Variants in THAP6 observed in about 807,000 individuals in gnomAD.
THAP6 encodes THAP domain-containing protein 6.
In THAP6, 13 loss-of-function variants were observed where a neutral mutation model predicts 20.0. That is an observed-to-expected ratio of 0.65 (90% confidence interval 0.42 to 1.03). THAP6 has a LOEUF of 1.03. Ranked by LOEUF, THAP6 falls within the 50% of genes least tolerant of loss-of-function variation. The probability of loss-of-function intolerance (pLI) is 0.00; values close to 1 mark genes in which losing one functional copy is unlikely to be tolerated. For synonymous variants in THAP6, 93 were observed against 92.2 expected, an observed-to-expected ratio of 1.01 and a Z score of -0.05; for missense variants, 262 against 261.6, an observed-to-expected ratio of 1.00 and a Z score of -0.01.
downstream of THAP6, among the ~76,000 whole-genome samples, chr4:75,531,719 G>A (rs1365370608): frequency 6.6e-6 from 1 of 151,884 alleles, no homozygotes; most frequent in African/African-American, 2.4e-5. Flanking sequence ...AGGCAAGGAG[G>A]AGCAAGTCAC....
intron 4 of THAP6, chr4:75,522,555 G>T (rs964967274): frequency 6.6e-6 from 1 of 151,198 alleles, no homozygotes; most frequent in African/African-American, 2.4e-5. Context: ...CTATATTTCT[G>T]TACCCATTAA....
intron 2 of THAP6, among the ~76,000 whole-genome samples, chr4:75,535,703 A>G (rs756177570): frequency 6.6e-6 from 1 of 152,166 alleles, no homozygotes; most frequent in Non-Finnish European, 1.5e-5. Context: ...ATAATATGTT[A>G]ACTTACTATG....
At chr4:75,523,666 G>A (rs1263528079) in intron 4 of THAP6, among the ~76,000 whole-genome samples, 1 of 151,818 alleles carries the variant, frequency 6.6e-6, no homozygotes, top group Non-Finnish European at 1.5e-5. Flanking sequence ...ATTAGCTGGG[G>A]GTGGTGGCAT....
At position 75,516,814 on chromosome 4, in the gene THAP6, A is replaced by G. The variant is rs762016262; in HGVS notation, c.123A>G (p.Ala41=). The part of the protein sequence containing the change: ...DENIKRKWVL[A]MKRLDVNAAG... ...ACATCAAAAGGAAATGGGTATTAGC[A>G]ATGAAAAGACTTGATGTGAATGCAG... The change falls in exon 3 of 5, where the codon GCA becomes GCG. Residue 41 remains alanine (A), a synonymous_variant. Transcript: ENST00000311638. 2 of 1,614,012 alleles carry G rather than the reference A, an allele frequency of 1.2e-6. No homozygotes were observed. The highest frequency in any genetic ancestry group is 2.7e-5 in the African/African-American group (2 of 74,912).
chr4:75,521,674 T>A, intron 3 of THAP6, 62 bp from the exon 4 acceptor site: 6 of 1,477,282 alleles, frequency 4.1e-6, no homozygotes, highest in Non-Finnish European at 5.5e-6. Flanking sequence ...TAAGAAGGAA[T>A]AAAAATTTAA....
chr4:75,546,712 T>C (rs912900217), intron 3 of THAP6, among the ~76,000 whole-genome samples: 3 of 152,176 alleles, frequency 2.0e-5, no homozygotes, highest in African/African-American at 7.2e-5. Flanking sequence ...GAAGAGCCTA[T>C]ACTGCAGTTC....
rs764156773 is a variant in THAP6 at position 75,521,757 on chromosome 4, T to A, written c.310T>A (p.Cys104Ser). The A allele has an allele frequency of 1.8e-5, 29 of 1,611,796 alleles. 1 individual carries two copies. The South Asian group carries it at 3.1e-4, about 17-fold the overall frequency. The change falls in exon 4 of 5, where the codon TGT (cysteine) becomes AGT (serine). Residue 104 changes from cysteine (C) to serine (S), a missense_variant. Coordinates refer to ENST00000311638, the MANE Select transcript of THAP6 (RefSeq NM_144721.6). ...ACAGGGGAAAAGAGAAAAACTTCAT[T>A]GTAGAAAAAACTTCACCCTCAAAAC... ...HLQGKREKLH[C>S]RKNFTLKTVP...
intron 2 of THAP6, among the ~76,000 whole-genome samples, 160 bp from the exon 3 acceptor site, chr4:75,516,612 A>G (rs1725659524): frequency 6.6e-6 from 1 of 152,254 alleles, no homozygotes; most frequent in Admixed American, 6.5e-5. Flanking sequence ...TAAAACGGAA[A>G]GTAACAAAAG....
intron 2 of THAP6, 40 bp downstream of exon 2, chr4:75,515,572 G>C: frequency 6.3e-7 from 1 of 1,592,160 alleles, no homozygotes; most frequent in South Asian, 1.1e-5. Context: ...CTTTGGCCAT[G>C]TTATAAAAAG....
At chr4:75,517,434 A>G (rs1319447709) in intron 3 of THAP6, 1 of 155,706 alleles carries the variant, frequency 6.4e-6, no homozygotes, top group African/African-American at 2.4e-5. Flanking sequence ...CTGCATCTTC[A>G]ACTTTTGTAA....
upstream of THAP6, chr4:75,514,022 G>A: frequency 1.1e-6 from 1 of 940,256 alleles, no homozygotes; most frequent in South Asian, 2.0e-5. Flanking sequence ...AGGAAAGGTG[G>A]GGCTTATCGC....
chr4:75,526,894 C>G, intron 4 of THAP6, 66 bp from the exon 5 acceptor site: 3 of 1,559,178 alleles, frequency 1.9e-6, no homozygotes, highest in Non-Finnish European at 1.7e-6. Context: ...CAGCTTAGAC[C>G]TAGTTATAAG....
chr4:75,535,016 T>A (rs1217340249), downstream of THAP6, among the ~76,000 whole-genome samples: 3 of 152,180 alleles, frequency 2.0e-5, no homozygotes, highest in Non-Finnish European at 4.4e-5. Flanking sequence ...GATCTAGAAC[T>A]AGAAATACCA....
intron 2 of THAP6, among the ~76,000 whole-genome samples, chr4:75,516,309 G>A (rs753436846): frequency 4.6e-5 from 7 of 152,146 alleles, no homozygotes; most frequent in Non-Finnish European, 1.0e-4. Context: ...CATTCACTAA[G>A]CATCTGTAGA....
In THAP6 at chr4:75,529,586, A is replaced by G. The variant is rs919642308; in HGVS notation, c.*2372A>G. 8.3e-5 allele frequency: 82 copies of G among 985,318 alleles called. 1 individual carries two copies. The highest frequency in any genetic ancestry group is 9.8e-5 in the Non-Finnish European group (81 of 829,956). 61.0% of individuals were successfully genotyped at this position (985,318 alleles called of 1,614,324 possible). On this transcript the variant is annotated 3_prime_UTR_variant, in exon 5 of 5. Transcript: ENST00000311638. ...CTCCAAACAAATGCCTAAACACAGT[A>G]TGTATCTCAGTCCTCTGTTCCCAGA...
intron 2 of THAP6, among the ~76,000 whole-genome samples, chr4:75,541,637 A>T (rs1727007517): frequency 6.6e-6 from 1 of 152,140 alleles, no homozygotes; most frequent in African/African-American, 2.4e-5. Context: ...GGAAAAGAAA[A>T]TTATAATAAC....
At chr4:75,532,688 C>A (rs1273752113), downstream of THAP6, among the ~76,000 whole-genome samples, 1 of 152,224 alleles carries the variant, frequency 6.6e-6, no homozygotes, top group East Asian at 1.9e-4. Context: ...GGCGGAGATG[C>A]CCAAACCTCA....
At chr4:75,515,620 T>G in intron 2 of THAP6, 88 bp downstream of exon 2, 1 of 1,280,504 alleles carries the variant, frequency 7.8e-7, no homozygotes, top group Non-Finnish European at 1.1e-6. Flanking sequence ...ATTTTGAACT[T>G]TAGTTCCCGA....
chr4:75,514,075 G>A, upstream of THAP6: 1 of 1,458,306 alleles, frequency 6.9e-7, no homozygotes, highest in South Asian at 1.4e-5. Context: ...AGTTCCAGGT[G>A]GAAAAGGTAT....
Sources: gnomAD v4.1 joint callset for allele counts (sites outside exome capture counted in the v4.1 genomes callset) on GRCh38, gnomAD v4.1.1 for gene constraint, MANE v1.5 for transcripts, NCBI Gene and HGNC (gene_info 2026-07-23, HGNC 2026-07-21) for gene names.